KCNN2: variants seen among roughly 807,000 people sequenced by gnomAD.
The protein encoded by KCNN2 is small conductance calcium-activated potassium channel protein 2.
KCNN2 carries 24 observed loss-of-function variants against 55.5 expected under a neutral mutation model. The observed-to-expected ratio is 0.43, with a 90% CI of 0.31 to 0.61. The LOEUF is 0.61. Ranked by LOEUF, KCNN2 falls within the 20% of genes least tolerant of loss-of-function variation. The probability of loss-of-function intolerance (pLI) is 0.08; values close to 1 mark genes in which losing one functional copy is unlikely to be tolerated. For missense variants in KCNN2, 754 were observed against 853.6 expected (o/e 0.88, Z 1.45); for synonymous variants, 431 against 336.1 (o/e 1.28, Z -3.09).
At chr5:114,193,929 G>A (rs1181574376) in intron 1 of KCNN2, among the ~76,000 whole-genome samples, 1 of 152,058 alleles carries the variant, frequency 6.6e-6, no homozygotes, top group South Asian at 2.1e-4. Context: ...TGAAAATTCA[G>A]TGTTTTTAAT....
chr5:114,256,927 A>G (rs1012700561), intron 2 of KCNN2, among the ~76,000 whole-genome samples: 1 of 152,180 alleles, frequency 6.6e-6, no homozygotes, highest in Non-Finnish European at 1.5e-5. Context: ...TTAATAATGA[A>G]TTCTTTTCCT....
intron 1 of KCNN2, among the ~76,000 whole-genome samples, chr5:114,071,947 A>T (rs745661957): frequency 6.6e-6 from 1 of 152,096 alleles, no homozygotes; most frequent in Non-Finnish European, 1.5e-5. Flanking sequence ...GCTTGGACTG[A>T]TGTTATTGTT....
At chr5:114,162,530 G>T (rs1264672608) in intron 1 of KCNN2, among the ~76,000 whole-genome samples, 1 of 152,172 alleles carries the variant, frequency 6.6e-6, no homozygotes, top group Non-Finnish European at 1.5e-5. Context: ...CTTCAAAACT[G>T]TCAGACAGGG....
chr5:114,263,020 T>C (rs1300465711), intron 2 of KCNN2, among the ~76,000 whole-genome samples: 2 of 152,178 alleles, frequency 1.3e-5, no homozygotes, highest in Non-Finnish European at 2.9e-5. Context: ...AAGGAGAGAT[T>C]GTGTTTAAAT....
At chr5:114,176,623 A>G (rs1385207360) in intron 1 of KCNN2, among the ~76,000 whole-genome samples, 3 of 152,200 alleles carry the variant, frequency 2.0e-5, no homozygotes, top group Non-Finnish European at 4.4e-5. Flanking sequence ...ATTAGTCACT[A>G]GTCATGACTT....
intron 2 of KCNN2, among the ~76,000 whole-genome samples, chr5:114,384,142 T>G (rs1341814664): frequency 6.6e-6 from 1 of 152,212 alleles, no homozygotes; most frequent in Non-Finnish European, 1.5e-5. Flanking sequence ...TGAGAAAAGT[T>G]GTACCACTTT....
At chr5:114,277,984 C>T (rs1488812750) in intron 2 of KCNN2, among the ~76,000 whole-genome samples, 1 of 152,060 alleles carries the variant, frequency 6.6e-6, no homozygotes, top group East Asian at 1.9e-4. Flanking sequence ...TTTTATCTAC[C>T]TTTGGTCTTT....
chr5:114,360,182 AC>A (rs754119433), upstream of KCNN2, among the ~76,000 whole-genome samples: 74 of 152,226 alleles, frequency 4.9e-4, 1 homozygote, highest in African/African-American at 7.7e-4. Flanking sequence ...GCAGCTGTGC[AC>A]CCCCCACCCC....
At chr5:114,197,073 A>G (rs527417399) in intron 1 of KCNN2, among the ~76,000 whole-genome samples, 20 of 152,248 alleles carry the variant, frequency 1.3e-4, no homozygotes, top group African/African-American at 4.6e-4. Context: ...ATCTTCTAAT[A>G]TCCCTTATGA....
At chr5:114,135,949 T>C (rs2112619008) in intron 1 of KCNN2, among the ~76,000 whole-genome samples, 1 of 152,080 alleles carries the variant, frequency 6.6e-6, no homozygotes, top group East Asian at 1.9e-4. Flanking sequence ...AAAGATACTG[T>C]CTGAAAAATA....
At chr5:114,391,854 T>C (rs535685796) in intron 2 of KCNN2, among the ~76,000 whole-genome samples, 1 of 152,240 alleles carries the variant, frequency 6.6e-6, no homozygotes, top group South Asian at 2.1e-4. Context: ...GCTTAAGATA[T>C]CAGGGCTGGA....
At chr5:114,248,415 A>G (rs1424205443) in intron 2 of KCNN2, among the ~76,000 whole-genome samples, 1 of 152,254 alleles carries the variant, frequency 6.6e-6, no homozygotes, top group African/African-American at 2.4e-5. Context: ...ATTGAAAAGA[A>G]CATGTAGGTA....
At position 114,362,504 on chromosome 5, in the gene KCNN2, G is replaced by A. The variant is rs937339594; in HGVS notation, c.365G>A (p.Gly122Asp). The part of the protein sequence containing the change: ...CCCCCCSSRR[G>D]SQLNVSELTP... ...TGCTGCTGCTGCTCGTCGCGCCGGG[G>A]CAGCCAGCTCAATGTGAGCGAGCTG... Residue 122 changes from glycine (G) to aspartate (D), a missense_variant, in exon 1 of 8, where the codon GGC (glycine) becomes GAC (aspartate). Gly to Asp is a moderately conservative substitution (Grantham distance 94). Coordinates refer to ENST00000673685, the MANE Select transcript of KCNN2 (RefSeq NM_021614.4). 33 of 477,604 alleles carry A rather than the reference G, an allele frequency of 6.9e-5. No individual in the cohort carries two copies. The highest frequency in any genetic ancestry group is 4.4e-5 in the Non-Finnish European group (12 of 275,460). The allele number at this position is 477,604 out of a possible 1,614,324, so 29.6% of individuals were successfully genotyped here. A position where few individuals can be genotyped will look rare whatever the true frequency, so the allele number is the denominator to read the frequency against.
chr5:114,280,115 T>C (rs942697059), intron 2 of KCNN2, among the ~76,000 whole-genome samples: 4 of 152,220 alleles, frequency 2.6e-5, no homozygotes, highest in Non-Finnish European at 5.9e-5. Flanking sequence ...GAAGTGTCTG[T>C]TCATATCCTT....
intron 7 of KCNN2, among the ~76,000 whole-genome samples, chr5:114,493,845 T>C (rs992128833): frequency 4.6e-5 from 7 of 152,122 alleles, no homozygotes; most frequent in African/African-American, 1.2e-4. Flanking sequence ...TGAATAGGAC[T>C]CATCAATTAA....
At chr5:114,093,468 G>T (rs902717303) in intron 1 of KCNN2, among the ~76,000 whole-genome samples, 2 of 152,032 alleles carry the variant, frequency 1.3e-5, no homozygotes, top group African/African-American at 2.4e-5. Context: ...TCACATTTTT[G>T]GGTATGTTTT....
intron 2 of KCNN2, among the ~76,000 whole-genome samples, chr5:114,349,782 T>G (rs1757175671): frequency 6.6e-6 from 1 of 152,036 alleles, no homozygotes; most frequent in Non-Finnish European, 1.5e-5. Context: ...AAGTGAAATG[T>G]TGAGTAAAAT....
At chr5:114,283,731 A>T (rs536485975) in intron 2 of KCNN2, among the ~76,000 whole-genome samples, 143 of 152,254 alleles carry the variant, frequency 9.4e-4, no homozygotes, top group Non-Finnish European at 1.5e-3. Context: ...AAGAAATTTT[A>T]TTTTTTGTAT....
chr5:114,143,248 T>C (rs1227618342), intron 1 of KCNN2, among the ~76,000 whole-genome samples: 2 of 152,152 alleles, frequency 1.3e-5, no homozygotes, highest in African/African-American at 2.4e-5. Flanking sequence ...TATACAGAAG[T>C]ACAGTATACA....
Sources: gnomAD v4.1 joint callset for allele counts (sites outside exome capture counted in the v4.1 genomes callset) on GRCh38, gnomAD v4.1.1 for gene constraint, MANE v1.5 for transcripts, NCBI Gene and HGNC (gene_info 2026-07-23, HGNC 2026-07-21) for gene names.